Variants in ITGB6 observed in about 807,000 individuals in gnomAD.
The protein encoded by ITGB6 is integrin subunit beta 6, also known as integrin beta-6.
A neutral mutation model predicts 84.5 loss-of-function variants in ITGB6; 80 were observed. The observed-to-expected ratio is 0.95, with a 90% CI of 0.79 to 1.14. The LOEUF is 1.14. Among genes scored for constraint, ITGB6 ranks in the 50% most tolerant of loss-of-function variants. The pLI is 0.00. For missense variants in ITGB6, 1,006 were observed against 968.0 expected (o/e 1.04, Z -0.52); for synonymous variants, 383 against 354.9 (o/e 1.08, Z -0.89).
In ITGB6 at chr2:160,162,671, T is replaced by C. The variant is rs75093583; in HGVS notation, c.1017+6541A>G. ...TTCACTCTTGTTGCCCAGGCTAGAG[T>C]GCAATGGTGCGATCTCGGCTCACTG... is the stretch of plus-strand genomic sequence containing the variant. On this transcript the variant is annotated intron_variant, in intron 7 of 14. Transcript: ENST00000283249. 1.2e-4 allele frequency among the ~76,000 whole-genome samples: 19 copies of C among 152,302 alleles called. No homozygotes were observed. The South Asian group carries it at 3.5e-3, about 28-fold the overall frequency.
At chr2:160,141,455 C>T (rs559135649) in intron 8 of ITGB6, among the ~76,000 whole-genome samples, 1 of 152,302 alleles carries the variant, frequency 6.6e-6, no homozygotes, top group Non-Finnish European at 1.5e-5. Context: ...CAAAAATTTA[C>T]ACACCTACTC....
rs1279808652 is a variant in ITGB6 at position 160,199,259 on chromosome 2, C to T, written c.62-1G>A. On this transcript the variant is annotated splice_acceptor_variant, in intron 1 of 14. Coordinates refer to ENST00000283249, the MANE Select transcript of ITGB6 (RefSeq NM_000888.5). LOFTEE classifies it high-confidence loss of function. ...TCTGCACCTCCCAGGGCACAGCCAC[C>T]TAGGTTTAGACCCAGCAAGATGCAG... 1 of 1,613,602 alleles carries T rather than the reference C, an allele frequency of 6.2e-7. No individual in the cohort carries two copies. Among genetic ancestry groups the T allele is most frequent in the East Asian group, 2.2e-5 (1 of 44,856 alleles).
intron 7 of ITGB6, among the ~76,000 whole-genome samples, chr2:160,166,079 T>C (rs1684990070): frequency 6.6e-6 from 1 of 152,206 alleles, no homozygotes; most frequent in Admixed American, 6.5e-5. Context: ...GACCTGTTAT[T>C]CTCCTCAAAC....
At chr2:160,188,754 C>A (rs533688146) in intron 4 of ITGB6, among the ~76,000 whole-genome samples, 2 of 152,164 alleles carry the variant, frequency 1.3e-5, no homozygotes, top group Non-Finnish European at 2.9e-5. Context: ...CAGGCATGTG[C>A]CCCCATGCCT....
At chr2:160,118,292 A>T (rs910571091) in intron 12 of ITGB6, among the ~76,000 whole-genome samples, 7 of 152,268 alleles carry the variant, frequency 4.6e-5, no homozygotes, top group Non-Finnish European at 1.0e-4. Context: ...CGAATCCAGC[A>T]GCACATCAAA....
chr2:160,149,219 G>A (rs1245050945), intron 7 of ITGB6, among the ~76,000 whole-genome samples: 1 of 152,190 alleles, frequency 6.6e-6, no homozygotes, highest in Non-Finnish European at 1.5e-5. Flanking sequence ...ACCTCATATA[G>A]GTGGCTGCCC....
At chr2:160,198,220 A>G (rs865820824) in intron 2 of ITGB6, among the ~76,000 whole-genome samples, 11 of 152,024 alleles carry the variant, frequency 7.2e-5, no homozygotes, top group Middle Eastern at 6.8e-3. Flanking sequence ...ATTCTCTTGA[A>G]TTTTTTTTGT....
chr2:160,155,279 T>C (rs1342143738), intron 7 of ITGB6, among the ~76,000 whole-genome samples: 1 of 152,118 alleles, frequency 6.6e-6, no homozygotes, highest in Non-Finnish European at 1.5e-5. Context: ...AGTAAAAAGA[T>C]GAGTGGTTGC....
chr2:160,151,842 T>C (rs1684432441), intron 7 of ITGB6, among the ~76,000 whole-genome samples: 1 of 151,690 alleles, frequency 6.6e-6, no homozygotes, highest in Non-Finnish European at 1.5e-5. Flanking sequence ...AACTAGAAAA[T>C]CTAAAAGAAA....
chr2:160,172,516 C>T, intron 6 of ITGB6, 53 bp downstream of exon 6: 1 of 1,492,200 alleles, frequency 6.7e-7, no homozygotes, highest in Non-Finnish European at 9.2e-7. Context: ...CTAGTTGTTG[C>T]TTCGTTCTCC....
rs1686497946 is a variant in ITGB6, at chr2:160,200,054, CAAT to C, written c.7_9del (p.Ile3del). The C allele has an allele frequency of 6.2e-7, 1 of 1,613,820 alleles. No individual in the cohort carries two copies. The highest frequency in any genetic ancestry group is 2.2e-5 in the East Asian group (1 of 44,858). The stretch of plus-strand genomic sequence containing the variant: ...AATAGAAAGAACAGGCAAAGCAGTT[CAAT>C]CCCCATTCGTTTCAGTTCTTGCTGT... On this transcript the variant is annotated inframe_deletion, in exon 1 of 15. Transcript: ENST00000283249.
At chr2:160,199,930 C>G in intron 1 of ITGB6, 73 bp downstream of exon 1, 3 of 1,131,026 alleles carry the variant, frequency 2.7e-6, no homozygotes, top group Non-Finnish European at 4.0e-6. Flanking sequence ...GACTTCAGAT[C>G]TAGTTTCTGA....
intron 10 of ITGB6, among the ~76,000 whole-genome samples, chr2:160,136,692 A>C (rs1262134124): frequency 6.6e-6 from 1 of 152,234 alleles, no homozygotes; most frequent in African/African-American, 2.4e-5. Context: ...AAAATGTGGC[A>C]CATATACGCC....
intron 7 of ITGB6, among the ~76,000 whole-genome samples, chr2:160,158,646 T>C (rs1574100429): frequency 6.6e-6 from 1 of 152,040 alleles, no homozygotes; most frequent in Admixed American, 6.6e-5. Flanking sequence ...AAACGGCAGG[T>C]AATAAAACTT....
At chr2:160,115,301 C>T (rs1458391834) in intron 12 of ITGB6, among the ~76,000 whole-genome samples, 1 of 152,166 alleles carries the variant, frequency 6.6e-6, no homozygotes, top group Non-Finnish European at 1.5e-5. Context: ...GGCAAAACTT[C>T]CAGAGGAATA....
intron 7 of ITGB6, among the ~76,000 whole-genome samples, chr2:160,160,968 A>G (rs887032688): frequency 6.6e-6 from 1 of 152,208 alleles, no homozygotes; most frequent in Non-Finnish European, 1.5e-5. Context: ...TTGTTCACAG[A>G]TGTCAAAGTC....
chr2:160,124,165 C>T (rs991408053), intron 11 of ITGB6, among the ~76,000 whole-genome samples: 19 of 152,170 alleles, frequency 1.2e-4, no homozygotes, highest in African/African-American at 4.3e-4. Context: ...GTTAAGTAAA[C>T]AAACAAATAA....
In ITGB6 at chr2:160,112,104, T is replaced by C. The variant is rs1427977643; in HGVS notation, c.2077A>G (p.Ile693Val). 6.2e-7 allele frequency: 1 copy of C among 1,612,784 alleles called. No individual in the cohort carries two copies. The highest frequency in any genetic ancestry group is 2.2e-5 in the East Asian group (1 of 44,882). The change falls in exon 13 of 15, where the codon ATC (isoleucine) becomes GTC (valine). Residue 693 changes from isoleucine to valine, a missense_variant. Transcript: ENST00000283249. Reference protein sequence around the residue: ...LITTDNEGKTIIHSINEKDCP... With the variant: ...LITTDNEGKTVIHSINEKDCP... ...CCTTTTTCATTGATGCTGTGAATGA[T>C]GGTTTTCCCCTCATTATCTGTAGTT...
At chr2:160,123,936 G>T in intron 11 of ITGB6, 48 bp from the exon 12 acceptor site, 1 of 1,367,642 alleles carries the variant, frequency 7.3e-7, no homozygotes, top group Non-Finnish European at 1.0e-6. Flanking sequence ...GTGGAAAATA[G>T]ATTTGCAGCT....
Sources: allele counts gnomAD v4.1 joint callset (sites outside exome capture counted in the v4.1 genomes callset), GRCh38; gene constraint gnomAD v4.1.1; transcripts MANE v1.5; gene names NCBI Gene and HGNC (gene_info 2026-07-23, HGNC 2026-07-21).